The following AKAP4 variants were observed in gnomAD, a reference collection of about 807,000 sequenced individuals.
AKAP4 encodes the protein A-kinase anchoring protein 4.
In AKAP4, 4 loss-of-function variants were observed where a neutral mutation model predicts 42.6. The ratio of observed to expected loss-of-function variants is 0.09; its 90% CI spans 0.05 to 0.22. The LOEUF (loss-of-function observed/expected upper bound fraction) is 0.22, where lower values mean the gene tolerates loss of function less well. AKAP4 is among the 10% of genes least tolerant of loss of function. AKAP4 has a pLI of 1.00. For missense variants in AKAP4, 551 were observed against 630.7 expected (o/e 0.87, Z 1.35); for synonymous variants, 223 against 233.0 (o/e 0.96, Z 0.39).
chrX:50,198,550 G>T, intron 2 of AKAP4, 107 bp downstream of exon 2: 2 of 533,124 alleles, frequency 3.8e-6, no homozygotes, highest in Non-Finnish European at 6.2e-6. Flanking sequence ...TTGGTTGCTT[G>T]GAGAAGTCAG....
chrX:50,191,002 C>T lies in AKAP4; in HGVS notation c.2523G>A (p.Val841=). ...ERQPDEAVGK[V]ARKQLLDWLL... ...GCCAGTCCAGCAACTGTTTCCTGGCCACCTTTCCCACAGCTTCATCTGGTT... is the reference window on the plus strand; with the variant it reads ...GCCAGTCCAGCAACTGTTTCCTGGCTACCTTTCCCACAGCTTCATCTGGTT... The change falls in exon 6 of 6, where the codon GTG becomes GTA. Residue 841 remains valine (V), a synonymous_variant. Transcript: ENST00000358526. The T allele has an allele frequency of 8.3e-7, 1 of 1,211,120 alleles. No homozygotes were observed. The highest frequency in any genetic ancestry group is 2.3e-4 in the Middle Eastern group (1 of 4,354).
In AKAP4 at chrX:50,193,577, A is replaced by G. The variant is rs1557203994; in HGVS notation, c.1136T>C (p.Val379Ala). 1 of 1,211,903 alleles carries G rather than the reference A, an allele frequency of 8.3e-7. No homozygotes were observed. Among genetic ancestry groups the G allele is most frequent in the Admixed American group, 2.2e-5 (1 of 46,048 alleles). The change falls in exon 5 of 6, where the codon GTG becomes GCG. Residue 379 changes from valine (V) to alanine (A), a missense_variant. Transcript: ENST00000358526. ...CATGCAAGAATCAATCAAATCGGAC[A>G]CAATCTCCTTGGTGTGCCTTAGCAA... Reference protein sequence around the residue: ...RVLLRHTKEIVSDLIDSCMKN... With the variant: ...RVLLRHTKEIASDLIDSCMKN...
chrX:50,194,328 G>A lies in AKAP4; in HGVS notation c.385C>T (p.Leu129=), dbSNP rs1557204144. 4.1e-6 allele frequency: 5 copies of A among 1,209,442 alleles called. No homozygotes were observed. In the Admixed American group the frequency reaches 1.1e-4, roughly 26 times the overall value. Residue 129 remains leucine (L), a synonymous_variant, in exon 5 of 6, where the codon CTG becomes TTG. Transcript: ENST00000358526. Reference sequence around the variant, plus strand: ...TTACAGGTAGAGGTTGAGGGGCTCAGTGCATGTTGGAAACCCAAGGCATAC... The same window carrying A: ...TTACAGGTAGAGGTTGAGGGGCTCAATGCATGTTGGAAACCCAAGGCATAC... ...QKYALGFQHA[L]SPSTSTCKHK...
At chrX:50,200,512 C>CA (rs1557204748) in intron 1 of AKAP4, 6 of 433,342 alleles carry the variant, frequency 1.4e-5, no homozygotes, top group African/African-American at 2.6e-5. Context: ...ATCAAAAGCA[C>CA]ATCAGGCTGC....
Position 50,192,480 on chromosome X carries a change from C to T in AKAP4, c.2233G>A (p.Gly745Ser). ...TCTTGATAGTTCTGTGGCATTGCAC[C>T]ACTGTGAATGCATCTGGTGCCCCTG... ...NFRGTRCIHS[G>S]AMPQNYQDSL... Residue 745 changes from glycine (G) to serine (S), a missense_variant, in exon 5 of 6, where the codon GGT becomes AGT. By Grantham distance (56) the Gly-to-Ser change is moderately conservative. Transcript: ENST00000358526. The T allele has an allele frequency of 8.3e-7, 1 of 1,210,614 alleles. No individual in the cohort carries two copies. Among genetic ancestry groups the T allele is most frequent in the Non-Finnish European group, 1.1e-6 (1 of 895,028 alleles).
At position 50,200,954 on chromosome X, in the gene AKAP4, C is replaced by A. The variant is rs1292188820; in HGVS notation, c.-65G>T. On this transcript the variant is annotated 5_prime_UTR_variant, in exon 1 of 6. Coordinates refer to ENST00000358526, the MANE Select transcript of AKAP4 (RefSeq NM_003886.3). ...CTGTGATGACTCTTCCAGTCTGCCT[C>A]AAGATACTGCTTTTTTCTTCAACTC... The A allele has an allele frequency of 9.3e-7, 1 of 1,080,674 alleles. No individual in the cohort carries two copies. The highest frequency in any genetic ancestry group is 1.8e-5 in the African/African-American group (1 of 54,803). 89.1% of individuals were successfully genotyped at this position (1,080,674 alleles called of 1,213,427 possible).
chrX:50,197,972 T>C (rs1602168971), intron 2 of AKAP4, among the ~76,000 whole-genome samples: 1 of 111,950 alleles, frequency 8.9e-6, no homozygotes, highest in African/African-American at 3.2e-5. Flanking sequence ...TTTCCTGGCT[T>C]CCAGTTTAGA....
At chrX:50,200,808 A>T in intron 1 of AKAP4, 55 bp downstream of exon 1, 1 of 1,123,886 alleles carries the variant, frequency 8.9e-7, no homozygotes, top group South Asian at 1.9e-5. Context: ...CTGTAGTTTC[A>T]CCTCACCATT....
chrX:50,198,830 T>G, intron 1 of AKAP4, 78 bp from the exon 2 acceptor site: 10 of 770,847 alleles, frequency 1.3e-5, no homozygotes, highest in East Asian at 3.4e-5. Context: ...TAAGAATCTC[T>G]GGAGGGGTTC....
At chrX:50,197,204 A>G (rs1159416072) in intron 3 of AKAP4, among the ~76,000 whole-genome samples, 1 of 110,769 alleles carries the variant, frequency 9.0e-6, no homozygotes, top group African/African-American at 3.3e-5. Flanking sequence ...GAAGATGCTC[A>G]CAAAGCCACC....
rs1935133388 is a variant in AKAP4, at chrX:50,192,988, C to T, written c.1725G>A (p.Met575Ile). 1 of 1,211,753 alleles carries T rather than the reference C, an allele frequency of 8.3e-7. No homozygotes were observed. The highest frequency in any genetic ancestry group is 1.8e-5 in the South Asian group (1 of 56,968). Residue 575 changes from methionine to isoleucine, a missense_variant, in exon 5 of 6, where the codon ATG becomes ATA. Physicochemically the swap from Met to Ile is conservative, Grantham distance 10. Coordinates refer to ENST00000358526, the MANE Select transcript of AKAP4 (RefSeq NM_003886.3). Reference sequence around the variant, plus strand: ...ATTGAGTACTCTGAGCCATATAGCCCATGGTGGAACCAGGACAGTCTTCTT... The same window carrying T: ...ATTGAGTACTCTGAGCCATATAGCCTATGGTGGAACCAGGACAGTCTTCTT... The part of the protein sequence containing the change: ...TCEEDCPGST[M>I]GYMAQSTQYE...
chrX:50,194,643 G>A (rs1935167315), intron 4 of AKAP4, among the ~76,000 whole-genome samples: 1 of 108,905 alleles, frequency 9.2e-6, no homozygotes, highest in Non-Finnish European at 1.9e-5. Context: ...TTTATAGAAG[G>A]GTTATCAATA....
chrX:50,198,029 A>G (rs949071795), intron 2 of AKAP4, among the ~76,000 whole-genome samples: 9 of 111,585 alleles, frequency 8.1e-5, no homozygotes, highest in African/African-American at 2.6e-4. Flanking sequence ...TTTATTATCA[A>G]TAATATAGAA....
At chrX:50,194,516 AT>A in intron 4 of AKAP4, 80 bp from the exon 5 acceptor site, 1 of 839,383 alleles carries the variant, frequency 1.2e-6, no homozygotes, top group Non-Finnish European at 1.6e-6. Flanking sequence ...GATGTATCAG[AT>A]TAGGGATTTG....
At chrX:50,194,530 CT>C in intron 4 of AKAP4, 94 bp from the exon 5 acceptor site, 1 of 738,935 alleles carries the variant, frequency 1.4e-6, no homozygotes, top group Non-Finnish European at 1.9e-6. Context: ...GGGATTTGAC[CT>C]TTTGGAGTTT....
rs781979488 is a variant in AKAP4 at position 50,192,749 on chromosome X, C to T, written c.1964G>A (p.Cys655Tyr). 3 of 1,212,007 alleles carry T rather than the reference C, an allele frequency of 2.5e-6. No homozygotes were observed. The highest frequency in any genetic ancestry group is 3.3e-6 in the Non-Finnish European group (3 of 895,591). The change falls in exon 5 of 6, where the codon TGT becomes TAT. Residue 655 changes from cysteine to tyrosine, a missense_variant. Physicochemically the swap from Cys to Tyr is radical, Grantham distance 194. Transcript: ENST00000358526. The stretch of plus-strand genomic sequence containing the variant: ...TGCTTTGCTTGCCCTGGGCTCAGAA[C>T]ACTTGTTCTCACCTTCGCATGGATC... ...CEDPCEGENKCSEPRASKAAS... is the reference protein window; with the variant it reads ...CEDPCEGENKYSEPRASKAAS...
chrX:50,191,213 C>T, intron 5 of AKAP4, 98 bp from the exon 6 acceptor site: 1 of 965,344 alleles, frequency 1.0e-6, no homozygotes, highest in Non-Finnish European at 1.4e-6. Flanking sequence ...AACCCCTAAC[C>T]TCCTCACCCA....
chrX:50,192,750 A>C lies in AKAP4; in HGVS notation c.1963T>G (p.Cys655Gly). ...CEDPCEGENK[C>G]SEPRASKAAS... ...GCTTTGCTTGCCCTGGGCTCAGAACACTTGTTCTCACCTTCGCATGGATCC... is the reference window on the plus strand; with the variant it reads ...GCTTTGCTTGCCCTGGGCTCAGAACCCTTGTTCTCACCTTCGCATGGATCC... The change falls in exon 5 of 6, where the codon TGT becomes GGT. Residue 655 changes from cysteine to glycine, a missense_variant. By Grantham distance (159) the Cys-to-Gly change is radical. Transcript: ENST00000358526. 2 of 1,212,025 alleles carry C rather than the reference A, an allele frequency of 1.7e-6. No individual in the cohort carries two copies. Among genetic ancestry groups the C allele is most frequent in the Non-Finnish European group, 2.2e-6 (2 of 895,596 alleles).
intron 4 of AKAP4, among the ~76,000 whole-genome samples, chrX:50,195,400 G>A (rs183906257): frequency 2.2e-3 from 245 of 111,840 alleles, no homozygotes; most frequent in Admixed American, 0.018. Flanking sequence ...AATATGTGTC[G>A]CTTAGTGTAA....
Sources: allele counts gnomAD v4.1 joint callset (sites outside exome capture counted in the v4.1 genomes callset), GRCh38; gene constraint gnomAD v4.1.1; transcripts MANE v1.5; gene names NCBI Gene and HGNC (gene_info 2026-07-23, HGNC 2026-07-21).